Variants in ARID4A observed in about 807,000 individuals in gnomAD.
ARID4A encodes AT-rich interaction domain 4A.
In ARID4A, 39 loss-of-function variants were observed where a neutral mutation model predicts 148.6. The observed-to-expected ratio is 0.26, with a 90% CI of 0.20 to 0.34. ARID4A has a LOEUF of 0.34. Among genes scored for constraint, ARID4A ranks in the 10% least tolerant of loss-of-function variants. ARID4A has a pLI of 1.00. For synonymous variants in ARID4A, 475 were observed against 481.2 expected, an observed-to-expected ratio of 0.99 and a Z score of 0.17; for missense variants, 1,265 against 1,449.1, an observed-to-expected ratio of 0.87 and a Z score of 2.06.
intron 15 of ARID4A, among the ~76,000 whole-genome samples, chr14:58,348,775 A>C (rs1036633985): frequency 2.0e-5 from 3 of 152,208 alleles, no homozygotes; most frequent in African/African-American, 7.2e-5. Context: ...AACTTCCTTC[A>C]TGTAGTAAAT....
chr14:58,303,197 G>GGGCTACATAGTCATGTTTGGT (rs1425459484), intron 3 of ARID4A, among the ~76,000 whole-genome samples: 1 of 152,016 alleles, frequency 6.6e-6, no homozygotes, highest in Admixed American at 6.6e-5. Context: ...ACATATTCAT[G>GGGCTACATAGTCATGTTTGGT]GGCTACATAG....
In ARID4A at chr14:58,366,074, T is replaced by A. The variant is rs768655083; in HGVS notation, c.3367T>A (p.Cys1123Ser). Residue 1123 changes from cysteine (C) to serine (S), a missense_variant, in exon 22 of 24, where the codon TGT becomes AGT. Physicochemically the swap from Cys to Ser is moderately radical, Grantham distance 112. This residue lies in a region of ARID4A where 666 missense variants were observed against 730.9 expected (regional missense o/e 0.91). Coordinates refer to ENST00000355431, the MANE Select transcript of ARID4A (RefSeq NM_002892.4). The part of the protein sequence containing the change: ...DLPVLDNSSK[C>S]TPVKHLNVSK... Reference sequence around the variant, plus strand: ...TCCTGTCCTAGACAATTCAAGTAAATGTACCCCAGTAAAGCATCTTAATGT... The same window carrying A: ...TCCTGTCCTAGACAATTCAAGTAAAAGTACCCCAGTAAAGCATCTTAATGT... 1.2e-6 allele frequency: 2 copies of A among 1,613,862 alleles called. No individual in the cohort carries two copies. The highest frequency in any genetic ancestry group is 1.7e-6 in the Non-Finnish European group (2 of 1,179,796).
At chr14:58,347,192 T>A in intron 14 of ARID4A, 75 bp downstream of exon 14, 1 of 738,772 alleles carries the variant, frequency 1.4e-6, no homozygotes, top group Non-Finnish European at 2.0e-6. Context: ...TTAACAAGAA[T>A]ACATCAATCT....
chr14:58,366,349 A>T, intron 22 of ARID4A, 119 bp downstream of exon 22: 1 of 812,542 alleles, frequency 1.2e-6, no homozygotes, highest in Non-Finnish European at 1.9e-6. Context: ...TAGATATTCC[A>T]AATATTGCCT....
Position 58,365,047 on chromosome 14 carries a change from C to T in ARID4A, c.2958C>T (p.Asn986=). The part of the protein sequence containing the change: ...EDVAVESSES[N]SLVSIPPALP... Reference sequence around the variant, plus strand: ...TAGCAGTTGAAAGCTCTGAGTCTAACTCTCTTGTTTCTATTCCACCTGCCC... The same window carrying T: ...TAGCAGTTGAAAGCTCTGAGTCTAATTCTCTTGTTTCTATTCCACCTGCCC... The change falls in exon 20 of 24, where the codon AAC becomes AAT. Residue 986 remains asparagine, a synonymous_variant. Coordinates refer to ENST00000355431, the MANE Select transcript of ARID4A (RefSeq NM_002892.4). The T allele has an allele frequency of 6.2e-7, 1 of 1,614,162 alleles. No homozygotes were observed. The highest frequency in any genetic ancestry group is 8.5e-7 in the Non-Finnish European group (1 of 1,180,018).
rs2035694904 is a variant in ARID4A, at chr14:58,373,676, T to C, written c.*1687T>C. 1.1e-5 allele frequency: 2 copies of C among 174,654 alleles called. No individual in the cohort carries two copies. Among genetic ancestry groups the C allele is most frequent in the South Asian group, 4.0e-4 (2 of 5,026 alleles). 10.8% of individuals were successfully genotyped at this position (174,654 alleles called of 1,614,324 possible). On this transcript the variant is annotated 3_prime_UTR_variant, in exon 24 of 24. Transcript: ENST00000355431. ...TCTTTGCAAAGCAGAAGTATCTCAA[T>C]GTAAAATAAAAATGGAGCTCAGTGG...
chr14:58,317,343 G>C (rs1202446564), intron 5 of ARID4A, among the ~76,000 whole-genome samples: 1 of 144,846 alleles, frequency 6.9e-6, no homozygotes, highest in Non-Finnish European at 1.5e-5. Context: ...GGAGTGCAGT[G>C]GTGCAATCTC....
chr14:58,329,105 T>G (rs534706169), intron 9 of ARID4A, among the ~76,000 whole-genome samples: 1 of 152,250 alleles, frequency 6.6e-6, no homozygotes, highest in South Asian at 2.1e-4. Context: ...TGTGAAAAAT[T>G]TAATGCCATA....
At chr14:58,333,133 A>G (rs1370194897) in intron 11 of ARID4A, among the ~76,000 whole-genome samples, 1 of 152,088 alleles carries the variant, frequency 6.6e-6, no homozygotes, top group Admixed American at 6.5e-5. Context: ...ACTGTGTGGG[A>G]AAAGATTGAG....
At chr14:58,314,867 C>T (rs2032299953) in intron 5 of ARID4A, among the ~76,000 whole-genome samples, 1 of 152,102 alleles carries the variant, frequency 6.6e-6, no homozygotes, top group African/African-American at 2.4e-5. Context: ...ACCTGTAATC[C>T]CAGCACTTTG....
At chr14:58,324,106 A>G (rs977544466) in intron 8 of ARID4A, among the ~76,000 whole-genome samples, 6 of 151,682 alleles carry the variant, frequency 4.0e-5, no homozygotes, top group South Asian at 2.1e-4. Context: ...GGGTTTCACC[A>G]TGTTAGCCAG....
chr14:58,331,530 T>G (rs1419454060), intron 11 of ARID4A: 1 of 152,194 alleles, frequency 6.6e-6, no homozygotes, highest in Non-Finnish European at 1.5e-5. Flanking sequence ...TAAGATTTTT[T>G]TGTGTGTTTA....
intron 8 of ARID4A, among the ~76,000 whole-genome samples, chr14:58,326,013 T>C (rs903760099): frequency 1.3e-5 from 2 of 152,180 alleles, no homozygotes; most frequent in Admixed American, 1.3e-4. Context: ...AAATAGTATA[T>C]GTTCAATATT....
In ARID4A at chr14:58,365,518, G is replaced by A; in HGVS notation, c.3212G>A (p.Gly1071Asp). The A allele has an allele frequency of 7.0e-7, 1 of 1,428,602 alleles. No homozygotes were observed. Among genetic ancestry groups the A allele is most frequent in the Non-Finnish European group, 9.6e-7 (1 of 1,043,746 alleles). 88.5% of individuals were successfully genotyped at this position (1,428,602 alleles called of 1,614,324 possible). ...CATTCTCTCTTTCCCCTTATTTCAG[G>A]TCAGAAGAGGCCAAGTGATGGAAAT... Reference protein sequence around the residue: ...IVQERESREKGQKRPSDGNSG... With the variant: ...IVQERESREKDQKRPSDGNSG... The change falls in exon 21 of 24, where the codon GGT becomes GAT. Residue 1071 changes from glycine (G) to aspartate (D), a missense_variant and splice_region_variant. Gly to Asp is a moderately conservative substitution (Grantham distance 94). Transcript: ENST00000355431.
At chr14:58,324,783 C>T (rs1046642904) in intron 8 of ARID4A, among the ~76,000 whole-genome samples, 5 of 152,114 alleles carry the variant, frequency 3.3e-5, no homozygotes, top group African/African-American at 1.2e-4. Flanking sequence ...TACATCACTC[C>T]TCTAAGCATT....
At chr14:58,347,316 G>A (rs970539639) in intron 14 of ARID4A, among the ~76,000 whole-genome samples, 199 bp downstream of exon 14, 7 of 152,116 alleles carry the variant, frequency 4.6e-5, no homozygotes, top group African/African-American at 1.7e-4. Context: ...ATGTTGTCCT[G>A]ATTTCCTTTC....
chr14:58,327,241 T>C lies in ARID4A; in HGVS notation c.583-996T>C, dbSNP rs143828556. 1.7e-3 allele frequency among the ~76,000 whole-genome samples: 256 copies of C among 152,312 alleles called. 3 individuals carry two copies. Among genetic ancestry groups the C allele is most frequent in the African/African-American group, 5.8e-3 (243 of 41,564 alleles). On this transcript the variant is annotated intron_variant, in intron 8 of 23. Transcript: ENST00000355431. ...GCTACTGTATAGGGCAGTGCAGATATAGAACGTTTCCATCAGTGCACAAAG... is the reference window on the plus strand; with the variant it reads ...GCTACTGTATAGGGCAGTGCAGATACAGAACGTTTCCATCAGTGCACAAAG...
intron 14 of ARID4A, 108 bp downstream of exon 14, chr14:58,347,225 G>A (rs1287255325): frequency 8.5e-6 from 5 of 585,018 alleles, no homozygotes; most frequent in South Asian, 4.1e-5. Context: ...GTTAGAGAAA[G>A]TATATAAAAA....
Position 58,328,160 on chromosome 14 carries a change from A to G in ARID4A, c.583-77A>G, listed in dbSNP as rs1364855473. ...ATCTATTTGAGAAGTTAGGGGATCCAGAATTGTTCTTTTGAAAAATACTGT... is the reference window on the plus strand; with the variant it reads ...ATCTATTTGAGAAGTTAGGGGATCCGGAATTGTTCTTTTGAAAAATACTGT... On this transcript the variant is annotated intron_variant, in intron 8 of 23. Coordinates refer to ENST00000355431, the MANE Select transcript of ARID4A (RefSeq NM_002892.4). 5 of 1,039,708 alleles carry G rather than the reference A, an allele frequency of 4.8e-6. No homozygotes were observed. In the Admixed American group the frequency reaches 1.0e-4, roughly 22 times the overall value. The allele number at this position is 1,039,708 out of a possible 1,614,324, so 64.4% of individuals were successfully genotyped here.
Sources: allele counts gnomAD v4.1 joint callset (sites outside exome capture counted in the v4.1 genomes callset), GRCh38; gene constraint gnomAD v4.1.1; regional missense constraint gnomAD v4.1.1; transcripts MANE v1.5; gene names NCBI Gene and HGNC (gene_info 2026-07-23, HGNC 2026-07-21).